The following DROSHA variants were observed in gnomAD, a reference collection of about 807,000 sequenced individuals.
The protein encoded by DROSHA is drosha ribonuclease III, also known as ribonuclease 3.
In DROSHA, 56 loss-of-function variants were observed where a neutral mutation model predicts 181.9. The ratio of observed to expected loss-of-function variants is 0.31; its 90% CI spans 0.25 to 0.38. The LOEUF (loss-of-function observed/expected upper bound fraction) is 0.38, where lower values mean the gene tolerates loss of function less well. Among genes scored for constraint, DROSHA ranks in the 10% least tolerant of loss-of-function variants. The pLI, the probability that DROSHA is intolerant of heterozygous loss-of-function variation, is 1.00. For missense variants in DROSHA, 1,218 were observed against 1,743.5 expected (o/e 0.70, Z 5.37); for synonymous variants, 524 against 591.2 (o/e 0.89, Z 1.65).
chr5:31,527,018 C>G, intron 4 of DROSHA, 106 bp from the exon 5 acceptor site: 1 of 1,063,878 alleles, frequency 9.4e-7, no homozygotes, highest in South Asian at 1.6e-5. Flanking sequence ...AACTCAAAGA[C>G]CCCCTAGTCA....
chr5:31,524,565 CATT>C (rs1034603219), intron 5 of DROSHA, among the ~76,000 whole-genome samples: 3 of 152,216 alleles, frequency 2.0e-5, no homozygotes, highest in African/African-American at 7.2e-5. Context: ...CATAAATAAA[CATT>C]AGCACAATTG....
At chr5:31,486,644 A>G in intron 13 of DROSHA, 82 bp from the exon 14 acceptor site, 1 of 1,258,416 alleles carries the variant, frequency 7.9e-7, no homozygotes. Context: ...CTGACCCAAA[A>G]GGCCATGAAC....
At chr5:31,527,953 A>T (rs1402684129) in intron 4 of DROSHA, among the ~76,000 whole-genome samples, 1 of 151,898 alleles carries the variant, frequency 6.6e-6, no homozygotes, top group Non-Finnish European at 1.5e-5. Context: ...ATTTTCAATC[A>T]CCTTGCTTGA....
chr5:31,456,495 G>GAC (rs1580158532), intron 20 of DROSHA, among the ~76,000 whole-genome samples: 4 of 89,552 alleles, frequency 4.5e-5, no homozygotes, highest in Non-Finnish European at 1.1e-4. Context: ...CACACACACA[G>GAC]ACACACACAC....
chr5:31,522,897 T>C (rs1740057070), intron 5 of DROSHA, among the ~76,000 whole-genome samples: 2 of 152,232 alleles, frequency 1.3e-5, no homozygotes, highest in South Asian at 4.1e-4. Flanking sequence ...TATCCACTTT[T>C]TCACAGACCT....
intron 23 of DROSHA, among the ~76,000 whole-genome samples, chr5:31,447,680 T>C (rs1211533591): frequency 2.0e-5 from 3 of 152,250 alleles, no homozygotes; most frequent in Non-Finnish European, 4.4e-5. Flanking sequence ...CAATTAAAAA[T>C]GGGAAAAGGA....
chr5:31,507,151 C>A (rs1738069716), intron 10 of DROSHA, among the ~76,000 whole-genome samples: 1 of 151,696 alleles, frequency 6.6e-6, no homozygotes, highest in Non-Finnish European at 1.5e-5. Flanking sequence ...CTCATCTCTA[C>A]AAATAATTTT....
Position 31,401,390 on chromosome 5 carries a change from A to G in DROSHA, c.*42T>C. ...CTAGGTCTCAATAGACAACAGTCAC[A>G]GTTACTGAGCAAGTAAATACTCCAC... On this transcript the variant is annotated 3_prime_UTR_variant, in exon 36 of 36. Coordinates refer to ENST00000344624, the MANE Select transcript of DROSHA (RefSeq NM_001382508.1). 1 of 1,601,300 alleles carries G rather than the reference A, an allele frequency of 6.2e-7. No individual in the cohort carries two copies.
At chr5:31,455,837 T>A (rs1747590510) in intron 20 of DROSHA, among the ~76,000 whole-genome samples, 1 of 152,120 alleles carries the variant, frequency 6.6e-6, no homozygotes, top group Non-Finnish European at 1.5e-5. Context: ...AGACAGGGTT[T>A]CGCCATGTTG....
intron 34 of DROSHA, among the ~76,000 whole-genome samples, chr5:31,405,964 C>T (rs1201170218): frequency 6.6e-6 from 1 of 151,866 alleles, no homozygotes; most frequent in Non-Finnish European, 1.5e-5. Context: ...TTATTCACTC[C>T]ACACTTTAAT....
intron 16 of DROSHA, among the ~76,000 whole-genome samples, chr5:31,478,491 C>CT (rs1261911069): frequency 6.6e-6 from 1 of 152,148 alleles, no homozygotes; most frequent in Non-Finnish European, 1.5e-5. Context: ...AATCCTAGCA[C>CT]TTTAGGAGGC....
rs68006179 is a variant in DROSHA at position 31,511,907 on chromosome 5, C to CCT, written c.1291-733_1291-732dup. On this transcript the variant is annotated intron_variant, in intron 8 of 35. Transcript: ENST00000344624. ...GCAATAAGAAATATCCTATATATCC[C>CCT]CTCTCTCTCTCTCTCACACACACGC... Among the ~76,000 whole-genome samples the CCT allele has an allele frequency of 9.6e-3, 1,419 of 147,430 alleles. 21 individuals are homozygous for CCT. Among genetic ancestry groups the CCT allele is most frequent in the African/African-American group, 0.032 (1,289 of 40,430 alleles).
intron 30 of DROSHA, among the ~76,000 whole-genome samples, chr5:31,417,590 A>G (rs1051277011): frequency 5.3e-5 from 8 of 152,196 alleles, no homozygotes; most frequent in African/African-American, 1.9e-4. Context: ...AAGAAAAAGG[A>G]AAGGGAAAAG....
At chr5:31,430,716 T>C (rs757222402) in intron 26 of DROSHA, among the ~76,000 whole-genome samples, 3 of 152,094 alleles carry the variant, frequency 2.0e-5, no homozygotes, top group Admixed American at 6.5e-5. Context: ...TCTTTGAAAA[T>C]AGACATATTT....
intron 18 of DROSHA, chr5:31,467,304 AAAT>A (rs34485401): frequency 0.49 from 71,099 of 145,530 alleles, 20,934 homozygotes; most frequent in South Asian, 0.69. Flanking sequence ...AAAAAAAAAA[AAAT>A]AAGTCAGGAA....
intron 10 of DROSHA, among the ~76,000 whole-genome samples, chr5:31,505,012 G>A (rs1737750364): frequency 6.6e-6 from 1 of 152,176 alleles, no homozygotes; most frequent in African/African-American, 2.4e-5. Flanking sequence ...GGAACACATA[G>A]AGTGTTTTGA....
rs551217704 is a variant in DROSHA, at chr5:31,530,584, C to A, written c.-47+214G>T. Reference sequence around the variant, plus strand: ...GGCAGAGGTTGCAGTGAGTTCAGATCGCGCCATTGCACTCCAGCCTGGGCA... The same window carrying A: ...GGCAGAGGTTGCAGTGAGTTCAGATAGCGCCATTGCACTCCAGCCTGGGCA... On this transcript the variant is annotated intron_variant, in intron 3 of 35. Transcript: ENST00000344624. Among the ~76,000 whole-genome samples, 28 of 147,822 alleles carry A rather than the reference C, an allele frequency of 1.9e-4. No individual in the cohort carries two copies. The South Asian group carries it at 5.8e-3, about 31-fold the overall frequency.
chr5:31,419,487 C>T (rs1742393118), intron 30 of DROSHA, among the ~76,000 whole-genome samples: 1 of 151,272 alleles, frequency 6.6e-6, no homozygotes, highest in Non-Finnish European at 1.5e-5. Flanking sequence ...CTCATCTAGT[C>T]CTAGTTTTAC....
Position 31,517,368 on chromosome 5 carries a change from G to A in DROSHA, c.948-1804C>T, listed in dbSNP as rs545431690. ...TATGCTTCCTGCCTTAGTATGCTTG[G>A]AAGCCATTTCCTATCCCAAGGTTAA... On this transcript the variant is annotated intron_variant, in intron 6 of 35. Transcript: ENST00000344624. 1.3e-3 allele frequency among the ~76,000 whole-genome samples: 195 copies of A among 152,036 alleles called. 1 individual carries two copies. The highest frequency in any genetic ancestry group is 6.8e-3 in the Middle Eastern group (2 of 294).
Sources: gnomAD v4.1 joint callset for allele counts (sites outside exome capture counted in the v4.1 genomes callset) on GRCh38, gnomAD v4.1.1 for gene constraint, MANE v1.5 for transcripts, NCBI Gene and HGNC (gene_info 2026-07-23, HGNC 2026-07-21) for gene names.